ELL: variants seen among roughly 807,000 people sequenced by gnomAD.
The protein encoded by ELL is RNA polymerase II elongation factor ELL.
A neutral mutation model predicts 64.0 loss-of-function variants in ELL; 18 were observed. The observed-to-expected ratio is 0.28, with a 90% CI of 0.19 to 0.42. The LOEUF is 0.42. ELL is among the 10% of genes least tolerant of loss of function. The probability of loss-of-function intolerance (pLI) is 1.00; values close to 1 mark genes in which losing one functional copy is unlikely to be tolerated. For missense variants in ELL, 797 were observed against 870.4 expected, an observed-to-expected ratio of 0.92 and a Z score of 1.06; for synonymous variants, 399 against 376.2, an observed-to-expected ratio of 1.06 and a Z score of -0.70.
intron 1 of ELL, among the ~76,000 whole-genome samples, chr19:18,477,665 T>C (rs979172011): frequency 1.3e-5 from 2 of 151,770 alleles, no homozygotes; most frequent in Admixed American, 1.3e-4. Context: ...CCATGCCCAG[T>C]GAAAAGAGAA....
At chr19:18,511,083 T>C (rs1006079673) in intron 1 of ELL, among the ~76,000 whole-genome samples, 7 of 151,666 alleles carry the variant, frequency 4.6e-5, no homozygotes, top group Non-Finnish European at 7.4e-5. Context: ...CTGGTTAACA[T>C]GGTGAAACCC....
intron 2 of ELL, chr19:18,471,370 T>C (rs752470103): frequency 6.7e-6 from 3 of 450,378 alleles, no homozygotes; most frequent in African/African-American, 4.0e-5. Context: ...GAGACTCATC[T>C]CTTAAAAAAC....
chr19:18,493,574 G>A (rs994784249), intron 1 of ELL, among the ~76,000 whole-genome samples: 7 of 152,248 alleles, frequency 4.6e-5, no homozygotes, highest in Admixed American at 1.3e-4. Context: ...GACCCATACC[G>A]GCAACCCGAC....
At chr19:18,506,756 T>G (rs905142949) in intron 1 of ELL, among the ~76,000 whole-genome samples, 1 of 152,140 alleles carries the variant, frequency 6.6e-6, no homozygotes, top group Non-Finnish European at 1.5e-5. Flanking sequence ...TTCAACAGCA[T>G]GTGAACCTCA....
chr19:18,482,230 G>GC (rs1037774826), intron 1 of ELL, among the ~76,000 whole-genome samples: 1 of 122,428 alleles, frequency 8.2e-6, no homozygotes, highest in Non-Finnish European at 1.7e-5. Context: ...AAGTTTTGAG[G>GC]TTTTTTTTTT....
At chr19:18,496,255 GAA>G (rs1354854247) in intron 1 of ELL, among the ~76,000 whole-genome samples, 2 of 152,232 alleles carry the variant, frequency 1.3e-5, no homozygotes, top group African/African-American at 4.8e-5. Context: ...GCGTGGTTGT[GAA>G]AAGAGCCACC....
intron 2 of ELL, chr19:18,470,949 A>G (rs908485815): frequency 6.6e-6 from 3 of 456,548 alleles, no homozygotes; most frequent in Middle Eastern, 6.5e-4. Flanking sequence ...TAGAGGCTCC[A>G]TGTCTCTGCA....
rs114010272 is a variant in ELL, at chr19:18,497,353, G to A, written c.136-24471C>T. On this transcript the variant is annotated intron_variant, in intron 1 of 11. Transcript: ENST00000262809. ...GGAGACAGTAAGAGCATCGGTGGAT[G>A]CCAGCGGGCAGAGGGGAGGAAGGGG... Among the ~76,000 whole-genome samples the A allele has an allele frequency of 3.5e-3, 533 of 152,358 alleles. 5 individuals carry two copies. Among genetic ancestry groups the A allele is most frequent in the African/African-American group, 0.012 (504 of 41,586 alleles).
At chr19:18,453,875 C>G (rs534990634) in intron 6 of ELL, among the ~76,000 whole-genome samples, 1 of 152,304 alleles carries the variant, frequency 6.6e-6, no homozygotes, top group African/African-American at 2.4e-5. Flanking sequence ...GGTCCTGATT[C>G]AACATTCCTC....
At chr19:18,477,439 C>A (rs1168227294) in intron 1 of ELL, among the ~76,000 whole-genome samples, 3 of 152,118 alleles carry the variant, frequency 2.0e-5, no homozygotes, top group East Asian at 1.9e-4. Flanking sequence ...GCCAGAGATT[C>A]CCAAATGTAA....
At chr19:18,446,869 G>A (rs1238006835) in intron 8 of ELL, 55 bp from the exon 9 acceptor site, 2 of 1,589,942 alleles carry the variant, frequency 1.3e-6, no homozygotes, top group Non-Finnish European at 1.7e-6. Context: ...CGGTCGGCAG[G>A]AAGCACGCCA....
intron 1 of ELL, among the ~76,000 whole-genome samples, chr19:18,514,238 C>A (rs992207371): frequency 2.0e-5 from 3 of 151,926 alleles, no homozygotes; most frequent in African/African-American, 7.3e-5. Flanking sequence ...GACAGCCGGG[C>A]ACGGTGGCTC....
chr19:18,450,675 C>G lies in ELL; in HGVS notation c.1267G>C (p.Val423Leu). 2 of 1,586,158 alleles carry G rather than the reference C, an allele frequency of 1.3e-6. No individual in the cohort carries two copies. The highest frequency in any genetic ancestry group is 1.7e-6 in the Non-Finnish European group (2 of 1,167,128). Residue 423 changes from valine to leucine, a missense_variant, in exon 8 of 12, where the codon GTG becomes CTG. Physicochemically the swap from Val to Leu is conservative, Grantham distance 32. Transcript: ENST00000262809. ...HGEAAAPAPTVRLGLPLLTDC... is the reference protein window; with the variant it reads ...HGEAAAPAPTLRLGLPLLTDC... Reference sequence around the variant, plus strand: ...GTCAGCAGGGGCAGGCCGAGGCGCACAGTGGGGGCTGGGGCAGCCGCCTCT... The same window carrying G: ...GTCAGCAGGGGCAGGCCGAGGCGCAGAGTGGGGGCTGGGGCAGCCGCCTCT...
At chr19:18,454,400 G>A (rs1974609865) in intron 6 of ELL, among the ~76,000 whole-genome samples, 1 of 152,170 alleles carries the variant, frequency 6.6e-6, no homozygotes, top group African/African-American at 2.4e-5. Flanking sequence ...TCGCGAGGCT[G>A]AGGCAGGAGA....
At position 18,492,171 on chromosome 19, in the gene ELL, A is replaced by AC. The variant is rs1975546123; in HGVS notation, c.136-19290dup. Among the ~76,000 whole-genome samples the AC allele has an allele frequency of 2.0e-5, 3 of 151,804 alleles. No individual in the cohort carries two copies. The South Asian group carries it at 6.3e-4, about 32-fold the overall frequency. On this transcript the variant is annotated intron_variant, in intron 1 of 11. Transcript: ENST00000262809. ...GACACTAGGAGAGGATCCAGGCTCCACCCGGCCTGTTCTGGCCACACCATG... is the reference window on the plus strand; with the variant it reads ...GACACTAGGAGAGGATCCAGGCTCCACCCCGGCCTGTTCTGGCCACACCATG...
Position 18,472,748 on chromosome 19 carries a change from C to G in ELL, c.183+87G>C. ...GACAGGGCCCAAACACTGCCATGAG[C>G]TGCTGCTGTACCCAGCGAGCAAGGA... On this transcript the variant is annotated intron_variant, in intron 2 of 11. Coordinates refer to ENST00000262809, the MANE Select transcript of ELL (RefSeq NM_006532.4). 3 of 1,471,780 alleles carry G rather than the reference C, an allele frequency of 2.0e-6. No individual in the cohort carries two copies. The South Asian group carries it at 3.7e-5, about 18-fold the overall frequency. The allele number at this position is 1,471,780 out of a possible 1,614,324, so 91.2% of individuals were successfully genotyped here. A position where few individuals can be genotyped will look rare whatever the true frequency, so the allele number is the denominator to read the frequency against.
At chr19:18,471,341 C>T (rs564635199) in intron 2 of ELL, 445 of 446,176 alleles carry the variant, frequency 1.0e-3, no homozygotes, top group Non-Finnish European at 1.7e-3. Flanking sequence ...TGCCACTGCA[C>T]TCCAGCCTCG....
Position 18,443,101 on chromosome 19 carries a change from A to G in ELL, c.*1651T>C, listed in dbSNP as rs1429090608. The G allele has an allele frequency of 4.3e-6, 1 of 232,306 alleles. No homozygotes were observed. The highest frequency in any genetic ancestry group is 8.5e-6 in the Non-Finnish European group (1 of 117,504). 14.4% of individuals were successfully genotyped at this position (232,306 alleles called of 1,614,324 possible). ...TCCCGGGCTGGGACCTCCTGAAATC[A>G]TCCCACCTCACCGGTGTCTGCAGGG... is the stretch of plus-strand genomic sequence containing the variant. On this transcript the variant is annotated 3_prime_UTR_variant, in exon 12 of 12. Coordinates refer to ENST00000262809, the MANE Select transcript of ELL (RefSeq NM_006532.4).
At chr19:18,476,350 A>AG (rs1271568198) in intron 1 of ELL, among the ~76,000 whole-genome samples, 9 of 152,204 alleles carry the variant, frequency 5.9e-5, no homozygotes, top group African/African-American at 1.4e-4. Context: ...GATGATGCTG[A>AG]GGCCAGTTAG....
Sources: gnomAD v4.1 joint callset for allele counts (sites outside exome capture counted in the v4.1 genomes callset) on GRCh38, gnomAD v4.1.1 for gene constraint, MANE v1.5 for transcripts, NCBI Gene and HGNC (gene_info 2026-07-23, HGNC 2026-07-21) for gene names.